NBAS: variants seen among roughly 807,000 people sequenced by gnomAD.
NBAS encodes NBAS subunit of NRZ tethering complex, also known as NAG/BC035112 fusion.
In NBAS, 219 loss-of-function variants were observed where a neutral mutation model predicts 302.5. That is an observed-to-expected ratio of 0.72 (90% CI 0.65 to 0.81). The LOEUF (loss-of-function observed/expected upper bound fraction) is 0.81, where lower values mean the gene tolerates loss of function less well. Ranked by LOEUF, NBAS falls within the 30% of genes least tolerant of loss-of-function variation. The pLI is 0.00. For synonymous variants in NBAS, 1,118 were observed against 1,021.6 expected (o/e 1.09, Z -1.80); for missense variants, 2,932 against 2,841.6 (o/e 1.03, Z -0.72).
chr2:14,873,046 G>C, the NBAS span, among the ~76,000 whole-genome samples: 5 of 152,338 alleles, frequency 3.3e-5, no homozygotes, highest in Middle Eastern at 3.4e-3. Flanking sequence ...GGGACTCTCG[G>C]CAGGTGGCCG....
At chr2:14,978,954 A>AGGGGGT in the NBAS span, among the ~76,000 whole-genome samples, 2 of 152,184 alleles carry the variant, frequency 1.3e-5, no homozygotes, top group African/African-American at 4.8e-5. Context: ...GCAAAACTTG[A>AGGGGGT]ATAGAAGTTT....
the NBAS span, among the ~76,000 whole-genome samples, chr2:14,992,050 G>T: frequency 6.6e-6 from 1 of 152,150 alleles, no homozygotes; most frequent in Non-Finnish European, 1.5e-5. Flanking sequence ...AAGTGGGAAT[G>T]GAACAGAGCT....
the NBAS span, among the ~76,000 whole-genome samples, chr2:14,846,407 C>T: frequency 6.8e-6 from 1 of 147,946 alleles, no homozygotes; most frequent in African/African-American, 2.5e-5. Context: ...CAGACCTTTC[C>T]TACAAGAAAT....
At chr2:14,858,589 TTATTTA>T in the NBAS span, among the ~76,000 whole-genome samples, 47 of 152,058 alleles carry the variant, frequency 3.1e-4, no homozygotes, top group Admixed American at 9.2e-4. Flanking sequence ...ATCAACTCAC[TTATTTA>T]TGAGAGGTAA....
At chr2:15,248,233 T>C (rs1668194728) in intron 44 of NBAS, among the ~76,000 whole-genome samples, 1 of 152,072 alleles carries the variant, frequency 6.6e-6, no homozygotes, top group Non-Finnish European at 1.5e-5. Flanking sequence ...AAGGCAGAAA[T>C]AAAGATGTTC....
the NBAS span, among the ~76,000 whole-genome samples, chr2:15,037,913 A>T: frequency 6.6e-6 from 1 of 152,212 alleles, no homozygotes; most frequent in Non-Finnish European, 1.5e-5. Flanking sequence ...TTGCACACAG[A>T]CATACTTGCT....
intron 9 of NBAS, among the ~76,000 whole-genome samples, chr2:15,520,894 A>G (rs1662636865): frequency 6.6e-6 from 1 of 152,380 alleles, no homozygotes; most frequent in East Asian, 1.9e-4. Flanking sequence ...AAGTTGCTTA[A>G]GCCTCTAGGA....
the NBAS span, among the ~76,000 whole-genome samples, chr2:15,017,541 C>T: frequency 6.6e-6 from 1 of 151,436 alleles, no homozygotes; most frequent in African/African-American, 2.4e-5. Flanking sequence ...ATACAAATGG[C>T]CAACAAATAT....
intron 47 of NBAS, among the ~76,000 whole-genome samples, chr2:15,231,461 A>G (rs923388050): frequency 4.6e-5 from 7 of 152,088 alleles, no homozygotes; most frequent in Non-Finnish European, 7.3e-5. Flanking sequence ...TCCTGGTTCT[A>G]TTTCCCAGCT....
chr2:15,275,829 A>G lies in NBAS; in HGVS notation c.5390-11T>C, dbSNP rs528740669. 37 of 1,609,844 alleles carry G rather than the reference A, an allele frequency of 2.3e-5. 1 individual carries two copies. The South Asian group carries it at 3.3e-4, about 14-fold the overall frequency. On this transcript the variant is annotated splice_polypyrimidine_tract_variant and intron_variant, in intron 43 of 51. Coordinates refer to ENST00000281513, the MANE Select transcript of NBAS (RefSeq NM_015909.4). ...TTTTGTAATTAAGACCTAGCAGAAA[A>G]AAAAAGAAAGTAGGTAAGTGGTTCA...
the NBAS span, among the ~76,000 whole-genome samples, chr2:14,822,724 A>G: frequency 6.6e-6 from 1 of 152,248 alleles, no homozygotes; most frequent in East Asian, 1.9e-4. Context: ...CAACTTGAAT[A>G]GGCAATGGAC....
chr2:15,539,443 T>C, intron 6 of NBAS, 87 bp from the exon 7 acceptor site: 2 of 1,476,004 alleles, frequency 1.4e-6, no homozygotes, highest in Non-Finnish European at 1.9e-6. Context: ...AAGTAAGTAT[T>C]CAAGTACAAT....
chr2:15,232,765 C>T (rs1052749498), intron 46 of NBAS, among the ~76,000 whole-genome samples: 6 of 152,108 alleles, frequency 3.9e-5, no homozygotes, highest in Non-Finnish European at 7.3e-5. Context: ...ATTCTACTTG[C>T]GCTGTGTCAT....
At chr2:15,115,378 G>A in the NBAS span, among the ~76,000 whole-genome samples, 1 of 152,146 alleles carries the variant, frequency 6.6e-6, no homozygotes, top group African/African-American at 2.4e-5. Context: ...GATTATTTAG[G>A]TAAATCTACT....
chr2:15,417,389 A>G, intron 24 of NBAS, 138 bp downstream of exon 24: 1 of 749,370 alleles, frequency 1.3e-6, no homozygotes, highest in South Asian at 1.9e-5. Flanking sequence ...ATAATATTTT[A>G]CTGTGAAAAA....
chr2:15,123,091 C>A, the NBAS span, among the ~76,000 whole-genome samples: 1 of 152,206 alleles, frequency 6.6e-6, no homozygotes, highest in Non-Finnish European at 1.5e-5. Context: ...GCTGGTGCCC[C>A]ACCCCGAGGT....
the NBAS span, among the ~76,000 whole-genome samples, chr2:15,037,430 C>G: frequency 5.3e-5 from 8 of 151,756 alleles, no homozygotes; most frequent in African/African-American, 1.5e-4. Context: ...ACCCGCAAGG[C>G]GGGGTACTAC....
chr2:14,801,699 T>C, the NBAS span, among the ~76,000 whole-genome samples: 53 of 152,162 alleles, frequency 3.5e-4, no homozygotes, highest in Non-Finnish European at 7.4e-4. Context: ...GGTAATTTTT[T>C]ATTGAATTTC....
chr2:14,991,309 C>G, the NBAS span, among the ~76,000 whole-genome samples: 1 of 152,156 alleles, frequency 6.6e-6, no homozygotes, highest in Admixed American at 6.5e-5. Flanking sequence ...AATGTCTCAG[C>G]TCTGTAAGGA....
Sources: allele counts gnomAD v4.1 joint callset (sites outside exome capture counted in the v4.1 genomes callset), GRCh38; gene constraint gnomAD v4.1.1; transcripts MANE v1.5; gene names NCBI Gene and HGNC (gene_info 2026-07-23, HGNC 2026-07-21).